Variants in FREM2 observed in about 807,000 individuals in gnomAD.
The protein encoded by FREM2 is FRAS1-related extracellular matrix protein 2.
A neutral mutation model predicts 219.9 loss-of-function variants in FREM2; 119 were observed. The ratio of observed to expected loss-of-function variants is 0.54; its 90% CI spans 0.47 to 0.63. The LOEUF is 0.63. FREM2 is among the 30% of genes least tolerant of loss of function. The probability of loss-of-function intolerance (pLI) is 0.00; values close to 1 mark genes in which losing one functional copy is unlikely to be tolerated. For missense variants in FREM2, 4,030 were observed against 3,993.6 expected (o/e 1.01, Z -0.25); for synonymous variants, 1,562 against 1,522.8 (o/e 1.03, Z -0.60).
intron 6 of FREM2, among the ~76,000 whole-genome samples, chr13:38,788,310 A>G (rs1328967958): frequency 6.6e-6 from 1 of 152,180 alleles, no homozygotes; most frequent in Non-Finnish European, 1.5e-5. Flanking sequence ...CCCTGAGAGT[A>G]AAGTTGCAGT....
At chr13:38,747,324 C>G (rs777762502) in intron 2 of FREM2, among the ~76,000 whole-genome samples, 10 of 151,718 alleles carry the variant, frequency 6.6e-5, no homozygotes, top group African/African-American at 1.2e-4. Context: ...CTGATTTACT[C>G]TGTGTGTGCA....
chr13:38,841,434 C>T (rs979524677), intron 6 of FREM2, among the ~76,000 whole-genome samples: 1 of 151,982 alleles, frequency 6.6e-6, no homozygotes, highest in Non-Finnish European at 1.5e-5. Flanking sequence ...TGCCTGGAAG[C>T]GGCTGTTGGA....
intron 6 of FREM2, among the ~76,000 whole-genome samples, chr13:38,796,982 T>A (rs6563634): frequency 0.23 from 35,556 of 151,930 alleles, 5,400 homozygotes; most frequent in African/African-American, 0.42. Context: ...ATTCAAGCAA[T>A]CTTCCTGCCT....
chr13:38,726,656 G>A (rs1045466935), intron 2 of FREM2, among the ~76,000 whole-genome samples: 7 of 152,062 alleles, frequency 4.6e-5, no homozygotes, highest in African/African-American at 1.7e-4. Flanking sequence ...CATTCAGGTT[G>A]GAAAATATTA....
At position 38,764,518 on chromosome 13, in the gene FREM2, G is replaced by T. The variant is rs1593392990; in HGVS notation, c.5410+68G>T. ...TAGCAAAGGTTTATAATTCTACAGT[G>T]ATTAAAGTATCAGTTTAGTTCACTT... On this transcript the variant is annotated intron_variant, in intron 3 of 23. Transcript: ENST00000280481. 20 of 940,978 alleles carry T rather than the reference G, an allele frequency of 2.1e-5. 1 individual carries two copies. The highest frequency in any genetic ancestry group is 1.7e-4 in the African/African-American group (10 of 59,846). 58.3% of individuals were successfully genotyped at this position (940,978 alleles called of 1,614,324 possible).
At chr13:38,813,730 T>C (rs1020678798) in intron 6 of FREM2, among the ~76,000 whole-genome samples, 3 of 151,138 alleles carry the variant, frequency 2.0e-5, no homozygotes, top group Non-Finnish European at 4.4e-5. Flanking sequence ...CTTGAATGTT[T>C]ATCTTTTTCT....
In FREM2 at chr13:38,689,491, C is replaced by T; in HGVS notation, c.2147C>T (p.Ser716Phe). ...CCCCTTCGTATGGTGGTACAGGAAT[C>T]CCAGCTCACACCACTGAGGAAGAAG... ...GCPLRMVVQE[S>F]QLTPLRKKWL... The change falls in exon 1 of 24, where the codon TCC (serine) becomes TTC (phenylalanine). Residue 716 changes from serine (S) to phenylalanine (F), a missense_variant. Physicochemically the swap from Ser to Phe is radical, Grantham distance 155. Transcript: ENST00000280481. 1 of 1,614,046 alleles carries T rather than the reference C, an allele frequency of 6.2e-7. No homozygotes were observed. Among genetic ancestry groups the T allele is most frequent in the Non-Finnish European group, 8.5e-7 (1 of 1,179,990 alleles).
chr13:38,786,245 T>C (rs571323365), intron 6 of FREM2, among the ~76,000 whole-genome samples: 4 of 152,326 alleles, frequency 2.6e-5, no homozygotes, highest in African/African-American at 9.6e-5. Flanking sequence ...GCTACCTTTG[T>C]GTATCATTGT....
chr13:38,754,901 G>GATGATTATT lies in FREM2; in HGVS notation c.5264-9401_5264-9400insGATTATTAT, dbSNP rs56270131. Among the ~76,000 whole-genome samples the GATGATTATT allele has an allele frequency of 8.6e-3, 1,106 of 128,606 alleles. 9 individuals are homozygous for GATGATTATT. Among genetic ancestry groups the GATGATTATT allele is most frequent in the African/African-American group, 0.015 (501 of 34,282 alleles). The allele number at this position is 128,606 out of a possible 152,430, so 84.4% of individuals were successfully genotyped here. A position where few individuals can be genotyped will look rare whatever the true frequency, so the allele number is the denominator to read the frequency against. ...TGATGATGATGATGATGATGATGAT[G>GATGATTATT]ATTATTATTATTATTATTAGAGATG... On this transcript the variant is annotated intron_variant, in intron 2 of 23. Transcript: ENST00000280481.
chr13:38,774,565 T>G (rs1873799307), intron 4 of FREM2, among the ~76,000 whole-genome samples: 1 of 152,208 alleles, frequency 6.6e-6, no homozygotes. Flanking sequence ...ATAAAGATTC[T>G]TAACCTCCGT....
intron 3 of FREM2, among the ~76,000 whole-genome samples, chr13:38,767,510 CAAAT>C (rs1873489310): frequency 6.6e-6 from 1 of 152,030 alleles, no homozygotes; most frequent in South Asian, 2.1e-4. Context: ...CCAAAAAAAA[CAAAT>C]AATGCATTGC....
chr13:38,859,243 C>A (rs888191370), intron 13 of FREM2, 44 bp from the exon 14 acceptor site: 12 of 1,584,788 alleles, frequency 7.6e-6, no homozygotes, highest in Non-Finnish European at 1.0e-5. Context: ...TGCGTTCCAC[C>A]TGTTCTACAC....
At chr13:38,799,217 C>T (rs1874913572) in intron 6 of FREM2, among the ~76,000 whole-genome samples, 1 of 150,926 alleles carries the variant, frequency 6.6e-6, no homozygotes, top group Non-Finnish European at 1.5e-5. Context: ...AAATTTTTTC[C>T]TTGCAATAGT....
chr13:38,765,620 G>A (rs1210298752), intron 3 of FREM2, among the ~76,000 whole-genome samples: 2 of 151,680 alleles, frequency 1.3e-5, no homozygotes, highest in Non-Finnish European at 2.9e-5. Flanking sequence ...ACATCCCGCT[G>A]TAATTTTGCT....
chr13:38,747,631 A>C (rs1441500302), intron 2 of FREM2, among the ~76,000 whole-genome samples: 1 of 152,176 alleles, frequency 6.6e-6, no homozygotes, highest in Non-Finnish European at 1.5e-5. Flanking sequence ...TTTCCAATAC[A>C]ACTTATTAAT....
intron 2 of FREM2, among the ~76,000 whole-genome samples, chr13:38,758,281 G>A (rs957180383): frequency 3.3e-5 from 5 of 152,076 alleles, no homozygotes; most frequent in Admixed American, 6.5e-5. Context: ...TTTTTAAACC[G>A]GATTTCTTAT....
chr13:38,689,701 A>G lies in FREM2; in HGVS notation c.2357A>G (p.Tyr786Cys). The G allele has an allele frequency of 6.2e-7, 1 of 1,614,070 alleles. No homozygotes were observed. Among genetic ancestry groups the G allele is most frequent in the Non-Finnish European group, 8.5e-7 (1 of 1,179,996 alleles). The change falls in exon 1 of 24, where the codon TAC (tyrosine) becomes TGC (cysteine). Residue 786 changes from tyrosine (Y) to cysteine (C), a missense_variant. By Grantham distance (194) the Tyr-to-Cys change is radical. Transcript: ENST00000280481. The part of the protein sequence containing the change: ...QAQINHHKIA[Y>C]RPPGQELGVA... Reference sequence around the variant, plus strand: ...CAGATCAACCATCATAAAATTGCTTACAGACCCCCGGGTCAAGAACTGGGC... The same window carrying G: ...CAGATCAACCATCATAAAATTGCTTGCAGACCCCCGGGTCAAGAACTGGGC...
chr13:38,707,129 C>T (rs533995665), intron 2 of FREM2, among the ~76,000 whole-genome samples: 1 of 152,028 alleles, frequency 6.6e-6, no homozygotes. Context: ...AAAAAAATTG[C>T]CAAGTGGCTG....
chr13:38,844,199 A>G (rs986127652), intron 6 of FREM2, among the ~76,000 whole-genome samples: 1 of 152,164 alleles, frequency 6.6e-6, no homozygotes, highest in Non-Finnish European at 1.5e-5. Flanking sequence ...GCAATAGGCA[A>G]CGTAATAATG....
Sources: gnomAD v4.1 joint callset for allele counts (sites outside exome capture counted in the v4.1 genomes callset) on GRCh38, gnomAD v4.1.1 for gene constraint, MANE v1.5 for transcripts, NCBI Gene and HGNC (gene_info 2026-07-23, HGNC 2026-07-21) for gene names.